Variants in C5orf52 observed in about 807,000 individuals in gnomAD.
The protein encoded by C5orf52 is uncharacterized protein C5orf52.
C5orf52 carries 15 observed loss-of-function variants against 16.8 expected under a neutral mutation model. The observed-to-expected ratio is 0.89, with a 90% CI of 0.60 to 1.38. C5orf52 has a LOEUF of 1.38. Among genes scored for constraint, C5orf52 ranks in the 40% most tolerant of loss-of-function variants. The pLI is 0.00. For synonymous variants in C5orf52, 83 were observed against 87.2 expected (o/e 0.95, Z 0.27); for missense variants, 206 against 213.1 (o/e 0.97, Z 0.21).
chr5:157,673,592 A>G (rs1561594785), intron 1 of C5orf52, among the ~76,000 whole-genome samples: 1 of 152,190 alleles, frequency 6.6e-6, no homozygotes, highest in South Asian at 2.1e-4. Flanking sequence ...TTTATGACAT[A>G]CCAAAATTTA....
Position 157,671,803 on chromosome 5 carries a change from C to A in C5orf52, c.189C>A (p.Ser63=). The A allele has an allele frequency of 6.5e-7, 1 of 1,541,760 alleles. No homozygotes were observed. Among genetic ancestry groups the A allele is most frequent in the South Asian group, 1.2e-5 (1 of 82,500 alleles). The change falls in exon 1 of 3, where the codon TCC becomes TCA. Residue 63 remains serine (S), a synonymous_variant. Transcript: ENST00000409999. ...QPQICFPRPR[S]AQQPVLFSLM... is the part of the protein sequence containing the mutation. ...AGATCTGCTTTCCGCGGCCGAGGTC[C>A]GCGCAGCAGCCGGTGCTGTTCAGGT... is the stretch of plus-strand genomic sequence containing the variant.
At chr5:157,671,476 A>G (rs534239408), upstream of C5orf52, 246 of 670,252 alleles carry the variant, frequency 3.7e-4, 1 homozygote, top group African/African-American at 3.7e-3. Context: ...CCCCGCAGCC[A>G]ATATGTGTCT....
Position 157,671,814 on chromosome 5 carries a change from C to A in C5orf52, c.200C>A (p.Pro67Gln). 6.5e-7 allele frequency: 1 copy of A among 1,535,628 alleles called. No homozygotes were observed. Among genetic ancestry groups the A allele is most frequent in the Non-Finnish European group, 8.8e-7 (1 of 1,138,684 alleles). ...CFPRPRSAQQ[P>Q]VLFSLMNSSE... ...CCGCGGCCGAGGTCCGCGCAGCAGCCGGTGCTGTTCAGGTGTGGCCCGCAT... is the reference window on the plus strand; with the variant it reads ...CCGCGGCCGAGGTCCGCGCAGCAGCAGGTGCTGTTCAGGTGTGGCCCGCAT... Residue 67 changes from proline (P) to glutamine (Q), a missense_variant, in exon 1 of 3, where the codon CCG (proline) becomes CAG (glutamine). Coordinates refer to ENST00000409999, the MANE Select transcript of C5orf52 (RefSeq NM_001145132.2).
intron 2 of C5orf52, among the ~76,000 whole-genome samples, 157 bp downstream of exon 2, chr5:157,675,357 G>A (rs1759875893): frequency 6.6e-6 from 1 of 152,138 alleles, no homozygotes; most frequent in South Asian, 2.1e-4. Context: ...TTGATACTCG[G>A]GGTTACTGAC....
rs1455237654 is a variant in C5orf52 at position 157,680,082 on chromosome 5, CGAG to C, written c.*87_*89del. On this transcript the variant is annotated 3_prime_UTR_variant, in exon 3 of 3. Coordinates refer to ENST00000409999, the MANE Select transcript of C5orf52 (RefSeq NM_001145132.2). The stretch of plus-strand genomic sequence containing the variant: ...GGGTCACGATGACACCAGTGTGACC[CGAG>C]GAGAACTAGTAACTACAACCTACAC... 1.6e-6 allele frequency: 2 copies of C among 1,283,676 alleles called. No homozygotes were observed. The highest frequency in any genetic ancestry group is 2.1e-6 in the Non-Finnish European group (2 of 938,564). The allele number at this position is 1,283,676 out of a possible 1,614,324, so 79.5% of individuals were successfully genotyped here.
At chr5:157,672,140 A>C (rs1168957411) in intron 1 of C5orf52, among the ~76,000 whole-genome samples, 1 of 152,080 alleles carries the variant, frequency 6.6e-6, no homozygotes, top group East Asian at 1.9e-4. Flanking sequence ...GCATGACAAC[A>C]TGTGGCCGCA....
intron 2 of C5orf52, 59 bp downstream of exon 2, chr5:157,675,259 T>C (rs1759874749): frequency 1.0e-6 from 1 of 998,000 alleles, no homozygotes; most frequent in Non-Finnish European, 1.5e-6. Context: ...CATATTCATT[T>C]CATTCTCCCT....
intron 1 of C5orf52, among the ~76,000 whole-genome samples, chr5:157,673,579 T>G (rs1383297578): frequency 6.6e-6 from 1 of 152,242 alleles, no homozygotes; most frequent in Non-Finnish European, 1.5e-5. Context: ...ACATGTATTT[T>G]ATTTTATGAC....
rs1454414242 is a variant in C5orf52, at chr5:157,671,707, C to T, written c.93C>T (p.Ala31=). 2.9e-5 allele frequency: 45 copies of T among 1,551,360 alleles called. 1 individual carries two copies. In the East Asian group the frequency reaches 1.1e-3, roughly 38 times the overall value. ...TAAQATTSSS[A]TSGSNYQRDR... ...CCCAGGCGACCACCAGTTCCAGCGC[C>T]ACCTCGGGTTCGAACTACCAGCGCG... Residue 31 remains alanine, a synonymous_variant, in exon 1 of 3, where the codon GCC becomes GCT. Transcript: ENST00000409999.
rs1375600909 is a variant in C5orf52, at chr5:157,678,673, C to G, written c.322-1168C>G. ...ATGGGGTTTCCCCATGTTGGCCAGGCTGATCTCAAACTCCTGGCCTCAAGT... is the reference window on the plus strand; with the variant it reads ...ATGGGGTTTCCCCATGTTGGCCAGGGTGATCTCAAACTCCTGGCCTCAAGT... On this transcript the variant is annotated intron_variant, in intron 2 of 2. Coordinates refer to ENST00000409999, the MANE Select transcript of C5orf52 (RefSeq NM_001145132.2). 9.2e-5 allele frequency among the ~76,000 whole-genome samples: 14 copies of G among 152,262 alleles called. No homozygotes were observed. In the East Asian group the frequency reaches 2.3e-3, roughly 25 times the overall value.
upstream of C5orf52, chr5:157,671,214 C>A (rs1686004487): frequency 1.0e-5 from 2 of 196,332 alleles, no homozygotes; most frequent in Non-Finnish European, 2.1e-5. Flanking sequence ...GGTCTTCAGA[C>A]CTCAGCTCCA....
Position 157,675,119 on chromosome 5 carries a change from GA to G in C5orf52, c.247del (p.Thr83LeufsTer10), listed in dbSNP as rs565344193. 1.1e-3 allele frequency: 1,706 copies of G among 1,551,176 alleles called. No individual in the cohort carries two copies. The highest frequency in any genetic ancestry group is 1.3e-3 in the Non-Finnish European group (1,515 of 1,146,480). On this transcript the variant is annotated frameshift_variant, in exon 2 of 3. Transcript: ENST00000409999. LOFTEE classifies it high-confidence loss of function. ...TAATGAATTCCAGTGAAGCAGCGAT[GA>G]AAAAAACTTTACCCAAGAGCCATTT... ...SLMNSSEAAM[K>X]KTLPKSHLSR...
chr5:157,677,139 G>A (rs1164410201), intron 2 of C5orf52, among the ~76,000 whole-genome samples: 1 of 152,090 alleles, frequency 6.6e-6, no homozygotes, highest in Non-Finnish European at 1.5e-5. Flanking sequence ...CAAAGTGCTG[G>A]CATTATAGGC....
intron 1 of C5orf52, among the ~76,000 whole-genome samples, chr5:157,672,740 T>C (rs370235542): frequency 3.9e-4 from 59 of 152,198 alleles, no homozygotes; most frequent in African/African-American, 1.3e-3. Flanking sequence ...GGGTTCCAAA[T>C]TGGCTGAAAA....
intron 1 of C5orf52, among the ~76,000 whole-genome samples, chr5:157,672,982 C>A (rs1290806037): frequency 6.6e-6 from 1 of 151,290 alleles, no homozygotes; most frequent in African/African-American, 2.4e-5. Context: ...TCTAGTCCTT[C>A]AAAATGTTTC....
At chr5:157,671,034 G>C (rs1305761191), upstream of C5orf52, among the ~76,000 whole-genome samples, 1 of 152,192 alleles carries the variant, frequency 6.6e-6, no homozygotes, top group Non-Finnish European at 1.5e-5. Flanking sequence ...TCGGTGTCAA[G>C]ACCCCGCAGG....
intron 2 of C5orf52, among the ~76,000 whole-genome samples, chr5:157,678,938 TC>T (rs1440230499): frequency 6.6e-6 from 1 of 151,746 alleles, no homozygotes; most frequent in Non-Finnish European, 1.5e-5. Context: ...ATCGAGACCA[TC>T]CTGGCTAACA....
rs143676723 is a variant in C5orf52 at position 157,674,636 on chromosome 5, C to T, written c.213-456C>T. On this transcript the variant is annotated intron_variant, in intron 1 of 2. Transcript: ENST00000409999. ...TACAAAAATTAGCCAGGCATGGTGG[C>T]GAGTGCCTGTAGTGCCAGCTACTCA... Among the ~76,000 whole-genome samples the T allele has an allele frequency of 6.9e-3, 1,051 of 152,166 alleles. 11 individuals are homozygous for T. Among genetic ancestry groups the T allele is most frequent in the African/African-American group, 0.024 (988 of 41,500 alleles).
At chr5:157,678,153 G>A (rs762269642) in intron 2 of C5orf52, among the ~76,000 whole-genome samples, 2 of 152,176 alleles carry the variant, frequency 1.3e-5, no homozygotes, top group African/African-American at 2.4e-5. Flanking sequence ...CAACTGAAAT[G>A]CTTCTGATGC....
Sources: gnomAD v4.1 joint callset for allele counts (sites outside exome capture counted in the v4.1 genomes callset) on GRCh38, gnomAD v4.1.1 for gene constraint, MANE v1.5 for transcripts, NCBI Gene and HGNC (gene_info 2026-07-23, HGNC 2026-07-21) for gene names.